TECR: variants seen among roughly 807,000 people sequenced by gnomAD.
TECR encodes the protein trans-2,3-enoyl-CoA reductase, also known as very-long-chain enoyl-CoA reductase.
TECR carries 19 observed loss-of-function variants against 50.6 expected under a neutral mutation model. The observed-to-expected ratio is 0.38, with a 90% CI of 0.26 to 0.55. The LOEUF is 0.55. TECR is among the 20% of genes least tolerant of loss of function. The pLI, the probability that TECR is intolerant of heterozygous loss-of-function variation, is 0.79. For missense variants in TECR, 313 were observed against 408.3 expected, an observed-to-expected ratio of 0.77 and a Z score of 2.01; for synonymous variants, 168 against 163.5, an observed-to-expected ratio of 1.03 and a Z score of -0.21.
chr19:14,556,374 C>T lies in TECR; in HGVS notation c.16-6151C>T, dbSNP rs536539204. Among the ~76,000 whole-genome samples, 8 of 152,080 alleles carry T rather than the reference C, an allele frequency of 5.3e-5. No individual in the cohort carries two copies. In the East Asian group the frequency reaches 1.5e-3, roughly 29 times the overall value. On this transcript the variant is annotated intron_variant, in intron 1 of 12. Coordinates refer to ENST00000215567, the MANE Select transcript of TECR (RefSeq NM_138501.6). ...GTTGCAGTGAGCCGAGATCGCGCCA[C>T]TGCATTCCAGCCTGGGCGACAGCGA...
At chr19:14,533,342 C>T (rs1213699848) in intron 1 of TECR, among the ~76,000 whole-genome samples, 1 of 150,728 alleles carries the variant, frequency 6.6e-6, no homozygotes, top group African/African-American at 2.4e-5. Flanking sequence ...ATCACTTCAA[C>T]CTGGGAGGTG....
chr19:14,564,438 G>A (rs1464791007), intron 7 of TECR, 151 bp downstream of exon 7: 1 of 559,684 alleles, frequency 1.8e-6, no homozygotes, highest in Non-Finnish European at 3.0e-6. Context: ...CCCCAGCCCC[G>A]CCCTCGCAGA....
rs1018163800 is a variant in TECR at position 14,554,899 on chromosome 19, C to T, written c.16-7626C>T. Among the ~76,000 whole-genome samples the T allele has an allele frequency of 1.6e-4, 25 of 151,984 alleles. 1 individual carries two copies. The highest frequency in any genetic ancestry group is 5.9e-5 in the Non-Finnish European group (4 of 68,012). On this transcript the variant is annotated intron_variant, in intron 1 of 12. Transcript: ENST00000215567. ...GTTCAATCGATTCTCTTGCCTCAGC[C>T]TCCTGAGTAGCTGGGACTACAGGCG...
At position 14,542,892 on chromosome 19, in the gene TECR, T is replaced by C. The variant is rs2073149558; in HGVS notation, c.15+13181T>C. On this transcript the variant is annotated intron_variant, in intron 1 of 12. Coordinates refer to ENST00000215567, the MANE Select transcript of TECR (RefSeq NM_138501.6). ...GGCATGGCCCTGCCTCTGTCCCTGC[T>C]CGAATCAGGCTCTTACGTAAGCAGA... Among the ~76,000 whole-genome samples the C allele has an allele frequency of 2.6e-5, 4 of 152,106 alleles. 1 individual carries two copies. The South Asian group carries it at 8.3e-4, about 32-fold the overall frequency.
intron 2 of TECR, 90 bp downstream of exon 2, chr19:14,562,665 T>G: frequency 7.0e-7 from 1 of 1,425,224 alleles, no homozygotes; most frequent in African/African-American, 1.4e-5. Flanking sequence ...GTGGGGCCCT[T>G]TGTGCCCCAC....
At chr19:14,549,211 C>CTTTTTTTTTTTT (rs561284094) in intron 1 of TECR, among the ~76,000 whole-genome samples, 1 of 111,162 alleles carries the variant, frequency 9.0e-6, no homozygotes, top group Non-Finnish European at 1.8e-5. Flanking sequence ...TTTAATTGGA[C>CTTTTTTTTTTTT]TTTTTTTTTT....
Position 14,563,319 on chromosome 19 carries a change from G to A in TECR, c.118+62G>A. On this transcript the variant is annotated intron_variant, in intron 3 of 12. Coordinates refer to ENST00000215567, the MANE Select transcript of TECR (RefSeq NM_138501.6). This position sits in a 1 kb window ranked among gnomAD's most constrained non-coding sequence, Gnocchi z 5.3. The stretch of plus-strand genomic sequence containing the variant: ...CCTTTGACCAGGGACCTTAGGGTGG[G>A]AGGGATCCCATCCTGCACCCCTCTC... The A allele has an allele frequency of 1.4e-6, 2 of 1,464,862 alleles. No homozygotes were observed. The highest frequency in any genetic ancestry group is 1.9e-6 in the Non-Finnish European group (2 of 1,053,850). The allele number at this position is 1,464,862 out of a possible 1,614,324, so 90.7% of individuals were successfully genotyped here.
At position 14,563,060 on chromosome 19, in the gene TECR, G is replaced by C; in HGVS notation, c.67-146G>C. The stretch of plus-strand genomic sequence containing the variant: ...GCAGGGCCCTCGGTGGTCCTTCCCT[G>C]ACTGCAGGCAGAGGCCTGGACCCCA... On this transcript the variant is annotated intron_variant, in intron 2 of 12. Coordinates refer to ENST00000215567, the MANE Select transcript of TECR (RefSeq NM_138501.6). The surrounding 1 kb of genome is among the most constrained non-coding windows in gnomAD (Gnocchi z 5.3). 2.0e-6 allele frequency: 2 copies of C among 1,007,526 alleles called. No homozygotes were observed. The highest frequency in any genetic ancestry group is 2.2e-5 in the Admixed American group (1 of 45,552). 62.4% of individuals were successfully genotyped at this position (1,007,526 alleles called of 1,614,324 possible).
rs2146632511 is a variant in TECR, at chr19:14,563,618, T to G, written c.119-40T>G. On this transcript the variant is annotated intron_variant, in intron 3 of 12. Transcript: ENST00000215567. This position sits in a 1 kb window ranked among gnomAD's most constrained non-coding sequence, Gnocchi z 5.3. ...GCTGGGCAGCGGACCGGCTGAGCCCTGCCAGGCTGTGGGCTGTAACTGCCC... is the reference window on the plus strand; with the variant it reads ...GCTGGGCAGCGGACCGGCTGAGCCCGGCCAGGCTGTGGGCTGTAACTGCCC... The G allele has an allele frequency of 6.2e-7, 1 of 1,609,856 alleles. No individual in the cohort carries two copies. The highest frequency in any genetic ancestry group is 1.3e-5 in the African/African-American group (1 of 74,920).
intron 1 of TECR, chr19:14,529,939 C>T (rs2072560497): frequency 1.6e-6 from 1 of 627,834 alleles, no homozygotes; most frequent in African/African-American, 1.8e-5. Flanking sequence ...GGTACTTTTT[C>T]TTGGGGGTCT....
At chr19:14,534,405 T>G in intron 1 of TECR, among the ~76,000 whole-genome samples, 2 of 133,140 alleles carry the variant, frequency 1.5e-5, no homozygotes, top group Non-Finnish European at 1.6e-5. Context: ...ATTACAGGAG[T>G]GAGCCACCAT....
At chr19:14,549,352 A>G (rs1334084726) in intron 1 of TECR, among the ~76,000 whole-genome samples, 1 of 151,666 alleles carries the variant, frequency 6.6e-6, no homozygotes, top group Admixed American at 6.6e-5. Context: ...AGCTGGGACT[A>G]CAGGCATGCG....
chr19:14,564,435 C>T, intron 7 of TECR, 148 bp downstream of exon 7: 1 of 727,012 alleles, frequency 1.4e-6, no homozygotes, highest in South Asian at 1.6e-5. Flanking sequence ...CCTCCCCAGC[C>T]CCGCCCTCGC....
chr19:14,535,779 G>A (rs34256394), intron 1 of TECR, among the ~76,000 whole-genome samples: 13,399 of 113,884 alleles, frequency 0.12, 991 homozygotes, highest in Non-Finnish European at 0.17. Flanking sequence ...AAAAAAAAAG[G>A]GAAAGTGGTG....
At chr19:14,536,655 C>G (rs572681304) in intron 1 of TECR, 1 of 152,136 alleles carries the variant, frequency 6.6e-6, no homozygotes, top group Non-Finnish European at 1.5e-5. Context: ...CTTCCCAACT[C>G]TGTGTTCAGG....
intron 7 of TECR, 111 bp from the exon 8 acceptor site, chr19:14,564,675 C>A: frequency 2.6e-6 from 3 of 1,164,708 alleles, no homozygotes; most frequent in Admixed American, 1.8e-5. Context: ...CGCCCCAAGG[C>A]CCCTCCTGTC....
intron 1 of TECR, among the ~76,000 whole-genome samples, chr19:14,538,851 A>G (rs144397041): frequency 1.8e-3 from 268 of 151,904 alleles, no homozygotes; most frequent in African/African-American, 6.3e-3. Flanking sequence ...TCAAAACTTA[A>G]TGAAGAAGGT....
In TECR at chr19:14,564,833, C is replaced by A. The variant is rs763392403; in HGVS notation, c.537C>A (p.Ile179=). 4 of 1,613,894 alleles carry A rather than the reference C, an allele frequency of 2.5e-6. No homozygotes were observed. Among genetic ancestry groups the A allele is most frequent in the Non-Finnish European group, 3.4e-6 (4 of 1,179,998 alleles). The change falls in exon 8 of 13, where the codon ATC becomes ATA. Residue 179 remains isoleucine (I), a synonymous_variant. Coordinates refer to ENST00000215567, the MANE Select transcript of TECR (RefSeq NM_138501.6). ...TCGCCGCGTGGATGGCCTATTACAT[C>A]AATCACCCTCTCTACACTCCCCCTA... The part of the protein sequence containing the change: ...WGFAAWMAYY[I]NHPLYTPPTY...
At chr19:14,561,106 C>G (rs938579406) in intron 1 of TECR, among the ~76,000 whole-genome samples, 3 of 152,166 alleles carry the variant, frequency 2.0e-5, no homozygotes, top group African/African-American at 7.2e-5. Context: ...GAGGGGTACC[C>G]AGCTTCTCTG....
Sources: allele counts gnomAD v4.1 joint callset (sites outside exome capture counted in the v4.1 genomes callset), GRCh38; gene constraint gnomAD v4.1.1; non-coding constraint Gnocchi (gnomAD v3.1); transcripts MANE v1.5; gene names NCBI Gene and HGNC (gene_info 2026-07-23, HGNC 2026-07-21).